CASK: variants seen among roughly 807,000 people sequenced by gnomAD.
CASK encodes peripheral plasma membrane protein CASK.
CASK carries 4 observed loss-of-function variants against 82.9 expected under a neutral mutation model. That is an observed-to-expected ratio of 0.05 (90% CI 0.02 to 0.11). The LOEUF (loss-of-function observed/expected upper bound fraction) is 0.11. Among genes scored for constraint, CASK ranks in the 10% least tolerant of loss-of-function variants. CASK has a pLI of 1.00. For missense variants in CASK, 358 were observed against 720.9 expected (o/e 0.50, Z 5.76); for synonymous variants, 259 against 253.5 (o/e 1.02, Z -0.20).
intron 12 of CASK, among the ~76,000 whole-genome samples, chrX:41,590,605 T>C (rs2065731264): frequency 9.4e-6 from 1 of 106,750 alleles, no homozygotes; most frequent in African/African-American, 3.4e-5. Context: ...CTGAAGAACA[T>C]ACATTTAATT....
At chrX:41,663,440 T>G (rs754179974) in intron 7 of CASK, among the ~76,000 whole-genome samples, 77 of 111,993 alleles carry the variant, frequency 6.9e-4, no homozygotes, top group African/African-American at 2.4e-3. Flanking sequence ...CAAAAAAAAA[T>G]TATGATGTAG....
At chrX:41,625,670 A>G (rs1218837818) in intron 10 of CASK, among the ~76,000 whole-genome samples, 1 of 111,489 alleles carries the variant, frequency 9.0e-6, no homozygotes, top group East Asian at 2.8e-4. Context: ...TTATAAAATG[A>G]TTTTGTGAAC....
intron 1 of CASK, among the ~76,000 whole-genome samples, chrX:41,900,739 CTTT>C (rs759671263): frequency 6.0e-5 from 3 of 50,161 alleles, no homozygotes; most frequent in African/African-American, 9.2e-5. Context: ...ATTTTGAAAT[CTTT>C]TTTTTTTTTT....
At chrX:41,790,430 T>C (rs1188766325) in intron 2 of CASK, among the ~76,000 whole-genome samples, 1 of 111,844 alleles carries the variant, frequency 8.9e-6, no homozygotes, top group Non-Finnish European at 1.9e-5. Context: ...TACTGAAAGT[T>C]TGTAAGCAGA....
chrX:41,647,529 T>C (rs1026669430), intron 8 of CASK, among the ~76,000 whole-genome samples: 1 of 111,154 alleles, frequency 9.0e-6, no homozygotes, highest in Admixed American at 9.6e-5. Context: ...GGTTTGTTTT[T>C]AGTGTGCTGG....
intron 5 of CASK, among the ~76,000 whole-genome samples, chrX:41,679,628 T>G (rs1429622447): frequency 1.8e-5 from 2 of 108,187 alleles, no homozygotes; most frequent in African/African-American, 6.7e-5. Context: ...TGATGAGGTG[T>G]TTTTTTTTTA....
At chrX:41,781,400 T>C (rs1035935003) in intron 3 of CASK, among the ~76,000 whole-genome samples, 3 of 112,829 alleles carry the variant, frequency 2.7e-5, no homozygotes, top group Non-Finnish European at 5.6e-5. Context: ...GATCCAAATA[T>C]GCTGTTTTGT....
chrX:41,842,504 C>T (rs901970935), intron 2 of CASK, among the ~76,000 whole-genome samples: 1 of 106,381 alleles, frequency 9.4e-6, no homozygotes, highest in African/African-American at 3.5e-5. Context: ...ACCCAGGAGG[C>T]GAAGGTTGCA....
In CASK at chrX:41,638,563, C is replaced by T. The variant is rs766207019; in HGVS notation, c.832-1902G>A. 2.7e-5 allele frequency among the ~76,000 whole-genome samples: 3 copies of T among 110,895 alleles called. 1 individual carries two copies. In the South Asian group the frequency reaches 1.2e-3, roughly 43 times the overall value. Reference sequence around the variant, plus strand: ...CATTTCTAAAAAACAAAAACAAAAACAAATTGGGTGGTCAGAGTAGGCCCA... The same window carrying T: ...CATTTCTAAAAAACAAAAACAAAAATAAATTGGGTGGTCAGAGTAGGCCCA... On this transcript the variant is annotated intron_variant, in intron 8 of 26. Coordinates refer to ENST00000378163, the MANE Select transcript of CASK (RefSeq NM_001367721.1).
intron 11 of CASK, among the ~76,000 whole-genome samples, chrX:41,616,174 T>C (rs1019602993): frequency 9.0e-6 from 1 of 111,624 alleles, no homozygotes; most frequent in East Asian, 2.8e-4. Context: ...TTGTTCACTC[T>C]TTTTTTCCCT....
chrX:41,804,701 C>G (rs1236145356), intron 2 of CASK, among the ~76,000 whole-genome samples: 1 of 111,471 alleles, frequency 9.0e-6, no homozygotes, highest in East Asian at 2.8e-4. Context: ...ATTTTACATG[C>G]TACAAATTAT....
At chrX:41,829,744 T>C (rs1367895126) in intron 2 of CASK, among the ~76,000 whole-genome samples, 4 of 42,661 alleles carry the variant, frequency 9.4e-5, no homozygotes, top group Non-Finnish European at 1.6e-4. Flanking sequence ...TATATATATA[T>C]ATATATATAT....
chrX:41,688,622 A>G (rs1041794947), intron 5 of CASK, among the ~76,000 whole-genome samples: 1 of 112,094 alleles, frequency 8.9e-6, no homozygotes, highest in African/African-American at 3.2e-5. Flanking sequence ...AAAACTTAAG[A>G]AACAGAAATT....
intron 5 of CASK, among the ~76,000 whole-genome samples, chrX:41,691,648 G>A (rs1482311955): frequency 9.2e-6 from 1 of 108,332 alleles, no homozygotes; most frequent in African/African-American, 3.4e-5. Flanking sequence ...AATGAGGTCA[G>A]GAGTTCAAGA....
chrX:41,770,949 C>T (rs1313883064), intron 3 of CASK, among the ~76,000 whole-genome samples: 3 of 110,703 alleles, frequency 2.7e-5, no homozygotes, highest in African/African-American at 3.3e-5. Context: ...ACAAAGCTGA[C>T]GAAAGAGATA....
chrX:41,693,200 AC>A (rs1393004746), intron 5 of CASK, among the ~76,000 whole-genome samples: 1 of 111,210 alleles, frequency 9.0e-6, no homozygotes, highest in African/African-American at 3.3e-5. Context: ...CTACATAACC[AC>A]ACAATATAGG....
intron 2 of CASK, among the ~76,000 whole-genome samples, chrX:41,828,562 A>C (rs2070718403): frequency 8.9e-6 from 1 of 112,002 alleles, no homozygotes; most frequent in Non-Finnish European, 1.9e-5. Flanking sequence ...AAAAATGGGT[A>C]ATTTGGCAAT....
intron 5 of CASK, among the ~76,000 whole-genome samples, chrX:41,680,382 T>G (rs1182811291): frequency 9.2e-6 from 1 of 108,299 alleles, no homozygotes; most frequent in Non-Finnish European, 1.9e-5. Context: ...CTCAGGAGGC[T>G]GAGGCAGGAG....
At chrX:41,827,982 G>C (rs2070702251) in intron 2 of CASK, among the ~76,000 whole-genome samples, 1 of 111,594 alleles carries the variant, frequency 9.0e-6, no homozygotes, top group Non-Finnish European at 1.9e-5. Flanking sequence ...ACAGAGAACA[G>C]GAAAATTACT....
Sources: allele counts gnomAD v4.1 joint callset (sites outside exome capture counted in the v4.1 genomes callset), GRCh38; gene constraint gnomAD v4.1.1; transcripts MANE v1.5; gene names NCBI Gene and HGNC (gene_info 2026-07-23, HGNC 2026-07-21).